SLC26A8: variants seen among roughly 807,000 people sequenced by gnomAD.
SLC26A8 encodes the protein solute carrier family 26 member 8, also known as testis anion transporter 1.
SLC26A8 carries 70 observed loss-of-function variants against 105.0 expected under a neutral mutation model. The ratio of observed to expected loss-of-function variants is 0.67; its 90% CI spans 0.55 to 0.81. The LOEUF (loss-of-function observed/expected upper bound fraction) is 0.81. Ranked by LOEUF, SLC26A8 falls within the 40% of genes least tolerant of loss-of-function variation. SLC26A8 has a pLI of 0.00. For missense variants in SLC26A8, 998 were observed against 1,181.8 expected, an observed-to-expected ratio of 0.84 and a Z score of 2.28; for synonymous variants, 415 against 438.3, an observed-to-expected ratio of 0.95 and a Z score of 0.66.
At chr6:35,962,242 A>AG (rs1489418682) in intron 12 of SLC26A8, among the ~76,000 whole-genome samples, 1 of 147,972 alleles carries the variant, frequency 6.8e-6, no homozygotes, top group East Asian at 2.0e-4. Context: ...AAAAAAAAAA[A>AG]GTTATCCAAA....
chr6:35,961,492 C>T (rs1247459387), intron 12 of SLC26A8, among the ~76,000 whole-genome samples: 1 of 152,170 alleles, frequency 6.6e-6, no homozygotes, highest in Non-Finnish European at 1.5e-5. Context: ...CCTTTTCAGG[C>T]CCCTACCCCA....
rs886554646 is a variant in SLC26A8, at chr6:35,997,851, G to A, written c.514C>T (p.Leu172=). ...TTCTTGACGAAAGATCCCATGACCA[G>A]TTGACCGTTGTTGAATGGGCTCACT... The part of the protein sequence containing the change: ...LKVSPFNNGQ[L]VMGSFVKNEF... Residue 172 remains leucine, a synonymous_variant, in exon 5 of 20, where the codon CTG becomes TTG. Transcript: ENST00000490799. 2 of 1,614,056 alleles carry A rather than the reference G, an allele frequency of 1.2e-6. No individual in the cohort carries two copies. Among genetic ancestry groups the A allele is most frequent in the Admixed American group, 3.3e-5 (2 of 60,008 alleles).
chr6:36,008,660 A>T (rs747581914), intron 3 of SLC26A8, among the ~76,000 whole-genome samples: 2 of 152,236 alleles, frequency 1.3e-5, no homozygotes, highest in Non-Finnish European at 2.9e-5. Context: ...CAGAATCTAC[A>T]AAGAATTCTC....
At chr6:36,007,253 T>A (rs1392776942) in intron 3 of SLC26A8, among the ~76,000 whole-genome samples, 1 of 152,188 alleles carries the variant, frequency 6.6e-6, no homozygotes, top group Non-Finnish European at 1.5e-5. Context: ...CTACAAAAAA[T>A]TCTTAGAACT....
intron 11 of SLC26A8, among the ~76,000 whole-genome samples, chr6:35,968,605 G>GTTTA (rs1554163661): frequency 1.9e-5 from 1 of 53,862 alleles, no homozygotes; most frequent in Non-Finnish European, 3.6e-5. Context: ...GTGTGTGTGT[G>GTTTA]TGTGTATATA....
chr6:35,974,365 T>C (rs923382501), intron 10 of SLC26A8, among the ~76,000 whole-genome samples: 6 of 152,140 alleles, frequency 3.9e-5, no homozygotes, highest in Non-Finnish European at 7.4e-5. Context: ...ATTAGACTTA[T>C]AAAATCTCAT....
intron 3 of SLC26A8, among the ~76,000 whole-genome samples, chr6:36,007,040 TAA>T (rs1761708199): frequency 1.3e-5 from 2 of 152,196 alleles, no homozygotes; most frequent in Non-Finnish European, 2.9e-5. Flanking sequence ...TACTTAGTGG[TAA>T]AAGACTGAAT....
rs1246187014 is a variant in SLC26A8 at position 36,012,389 on chromosome 6, C to T, written c.189-17G>A. The stretch of plus-strand genomic sequence containing the variant: ...CATGAGCAGCTGTGAGAGAGAGGAG[C>T]AGAGACTTGGTTAGTTTCTCCAAAG... On this transcript the variant is annotated splice_polypyrimidine_tract_variant and intron_variant, in intron 2 of 19. Transcript: ENST00000490799. 4.5e-6 allele frequency: 7 copies of T among 1,555,618 alleles called. No homozygotes were observed. The East Asian group carries it at 1.6e-4, about 37-fold the overall frequency.
chr6:35,976,550 C>CTTT (rs371327114), intron 9 of SLC26A8, among the ~76,000 whole-genome samples: 2,771 of 130,104 alleles, frequency 0.021, 59 homozygotes, highest in Middle Eastern at 0.058. Flanking sequence ...GAAGCCCTCG[C>CTTT]TTTTTTTTTT....
At chr6:35,989,839 G>C (rs974815413) in intron 7 of SLC26A8, 1 of 150,162 alleles carries the variant, frequency 6.7e-6, no homozygotes, top group African/African-American at 2.5e-5. Flanking sequence ...AATTGCTGTT[G>C]TTGAGATTGT....
At chr6:36,005,471 A>G (rs1761660183) in intron 3 of SLC26A8, among the ~76,000 whole-genome samples, 1 of 152,180 alleles carries the variant, frequency 6.6e-6, no homozygotes, top group Non-Finnish European at 1.5e-5. Context: ...ACTTTGACAA[A>G]TTAAGAGTAT....
At chr6:35,982,087 G>C in intron 8 of SLC26A8, 34 bp downstream of exon 8, 1 of 1,604,340 alleles carries the variant, frequency 6.2e-7, no homozygotes, top group Middle Eastern at 1.7e-4. Context: ...GTATCAGAAA[G>C]AGAAAAGCAA....
At position 35,992,432 on chromosome 6, in the gene SLC26A8, T is replaced by C. The variant is rs193241134; in HGVS notation, c.792+78A>G. On this transcript the variant is annotated intron_variant, in intron 6 of 19. Coordinates refer to ENST00000490799, the MANE Select transcript of SLC26A8 (RefSeq NM_052961.4). ...TCTCCTTTCAGAAGGGGCGGGAGTC[T>C]CCCTACTGAGCTCCACTTTTCTTTG... 5.5e-6 allele frequency: 8 copies of C among 1,456,186 alleles called. No individual in the cohort carries two copies. The Admixed American group carries it at 1.4e-4, about 26-fold the overall frequency. 90.2% of individuals were successfully genotyped at this position (1,456,186 alleles called of 1,614,324 possible).
rs764028332 is a variant in SLC26A8 at position 36,012,257 on chromosome 6, C to T, written c.304G>A (p.Val102Ile). 1.2e-6 allele frequency: 2 copies of T among 1,612,292 alleles called. No homozygotes were observed. Among genetic ancestry groups the T allele is most frequent in the African/African-American group, 1.3e-5 (1 of 74,894 alleles). Residue 102 changes from valine (V) to isoleucine (I), a missense_variant, in exon 3 of 20, where the codon GTT becomes ATT. Physicochemically the swap from Val to Ile is conservative, Grantham distance 29. Transcript: ENST00000490799. ...CCTTGGGGAACTTGCACAAGGCCAACACTTATACCAGCAAGTAAGTCTCCC... is the reference window on the plus strand; with the variant it reads ...CCTTGGGGAACTTGCACAAGGCCAATACTTATACCAGCAAGTAAGTCTCCC... The part of the protein sequence containing the change: ...LLGDLLAGIS[V>I]GLVQVPQGLT...
intron 2 of SLC26A8, among the ~76,000 whole-genome samples, chr6:36,015,754 C>G (rs750356345): frequency 6.6e-6 from 1 of 152,004 alleles, no homozygotes; most frequent in Non-Finnish European, 1.5e-5. Context: ...GGGGGATATC[C>G]AAGAACACAA....
intron 17 of SLC26A8, among the ~76,000 whole-genome samples, chr6:35,953,819 A>G (rs1458651845): frequency 1.3e-5 from 2 of 152,212 alleles, no homozygotes; most frequent in Non-Finnish European, 2.9e-5. Flanking sequence ...TACATCCCAG[A>G]CTGCAAACCA....
At chr6:35,973,272 T>G (rs1263840249) in intron 10 of SLC26A8, among the ~76,000 whole-genome samples, 2 of 152,224 alleles carry the variant, frequency 1.3e-5, no homozygotes, top group Non-Finnish European at 2.9e-5. Context: ...GGAGTCTCTT[T>G]GACTCCAAAG....
intron 5 of SLC26A8, among the ~76,000 whole-genome samples, chr6:35,993,175 T>C (rs1328275654): frequency 5.3e-5 from 2 of 37,594 alleles, no homozygotes; most frequent in African/African-American, 1.5e-4. Flanking sequence ...TTTTTTTTTT[T>C]TGATAGAGAT....
At chr6:36,021,881 G>A (rs1762134666) in intron 1 of SLC26A8, among the ~76,000 whole-genome samples, 2 of 151,984 alleles carry the variant, frequency 1.3e-5, no homozygotes, top group South Asian at 2.1e-4. Flanking sequence ...GTGTTAGCCA[G>A]GATGGTCTTG....
Sources: gnomAD v4.1 joint callset for allele counts (sites outside exome capture counted in the v4.1 genomes callset) on GRCh38, gnomAD v4.1.1 for gene constraint, MANE v1.5 for transcripts, NCBI Gene and HGNC (gene_info 2026-07-23, HGNC 2026-07-21) for gene names.